Variants in UTP20 observed in about 807,000 individuals in gnomAD.
UTP20 encodes small subunit processome component 20 homolog.
Under a neutral mutation model 329.5 loss-of-function variants are expected in UTP20, and 164 were observed. The observed-to-expected ratio is 0.50, with a 90% CI of 0.44 to 0.57. The LOEUF is 0.57. UTP20 is among the 20% of genes least tolerant of loss of function. UTP20 has a pLI of 0.00. For synonymous variants in UTP20, 1,151 were observed against 1,159.3 expected (o/e 0.99, Z 0.14); for missense variants, 3,055 against 3,284.2 (o/e 0.93, Z 1.71).
At chr12:101,362,539 A>C (rs751612453) in intron 44 of UTP20, among the ~76,000 whole-genome samples, 2 of 132,282 alleles carry the variant, frequency 1.5e-5, no homozygotes, top group Non-Finnish European at 3.0e-5. Context: ...CCCCGTCTCT[A>C]AGAAAAATAC....
chr12:101,381,435 T>C (rs1391270695), intron 58 of UTP20, among the ~76,000 whole-genome samples: 2 of 152,098 alleles, frequency 1.3e-5, no homozygotes, highest in African/African-American at 2.4e-5. Context: ...CTTGGGAGGC[T>C]GAGGCAGGGA....
intron 19 of UTP20, among the ~76,000 whole-genome samples, 199 bp from the exon 20 acceptor site, chr12:101,311,520 A>G (rs1872789095): frequency 6.6e-6 from 1 of 152,178 alleles, no homozygotes; most frequent in African/African-American, 2.4e-5. Flanking sequence ...TTAGTGCTTT[A>G]TGACTATAAA....
At chr12:101,381,623 G>A (rs1403149368) in intron 58 of UTP20, among the ~76,000 whole-genome samples, 1 of 152,138 alleles carries the variant, frequency 6.6e-6, no homozygotes, top group Non-Finnish European at 1.5e-5. Flanking sequence ...ATGCTTGGGG[G>A]ATTAGATGAA....
chr12:101,329,887 C>T (rs1160729232), intron 27 of UTP20, among the ~76,000 whole-genome samples: 1 of 151,374 alleles, frequency 6.6e-6, no homozygotes, highest in Non-Finnish European at 1.5e-5. Flanking sequence ...CACCTGTACT[C>T]AGGAGGCTAA....
intron 26 of UTP20, among the ~76,000 whole-genome samples, chr12:101,327,557 C>T (rs1006916071): frequency 6.6e-6 from 1 of 152,182 alleles, no homozygotes; most frequent in African/African-American, 2.4e-5. Context: ...GAATAGGTTT[C>T]TTCTAAGAAA....
chr12:101,371,439 G>A (rs1471111893), intron 51 of UTP20, among the ~76,000 whole-genome samples: 1 of 151,786 alleles, frequency 6.6e-6, no homozygotes, highest in Non-Finnish European at 1.5e-5. Flanking sequence ...TGGTTGAGGA[G>A]CTCAACACAG....
chr12:101,379,682 G>A, intron 57 of UTP20, 124 bp downstream of exon 57: 1 of 1,017,224 alleles, frequency 9.8e-7, no homozygotes, highest in Non-Finnish European at 1.4e-6. Flanking sequence ...TTGTACAGGT[G>A]AATCAATAGG....
intron 17 of UTP20, among the ~76,000 whole-genome samples, chr12:101,307,322 C>T (rs962430445): frequency 2.0e-5 from 3 of 146,628 alleles, no homozygotes; most frequent in Non-Finnish European, 4.4e-5. Context: ...CACACACACA[C>T]ACATAATTTA....
rs1416624271 is a variant in UTP20 at position 101,371,241 on chromosome 12, T to C, written c.6798+73T>C. ...ATCTTTGTGGCAGAGGTGTCAACAC[T>C]GGCTGAATTCTGAAGACCACCTTGT... is the stretch of plus-strand genomic sequence containing the variant. On this transcript the variant is annotated intron_variant, in intron 51 of 61. Coordinates refer to ENST00000261637, the MANE Select transcript of UTP20 (RefSeq NM_014503.3). 5.4e-6 allele frequency: 6 copies of C among 1,114,196 alleles called. No individual in the cohort carries two copies. In the East Asian group the frequency reaches 1.6e-4, roughly 29 times the overall value. 69.0% of individuals were successfully genotyped at this position (1,114,196 alleles called of 1,614,324 possible). A position where few individuals can be genotyped will look rare whatever the true frequency, so the allele number is the denominator to read the frequency against.
intron 57 of UTP20, 79 bp from the exon 58 acceptor site, chr12:101,381,061 C>A: frequency 8.3e-7 from 1 of 1,207,738 alleles, no homozygotes; most frequent in Non-Finnish European, 1.2e-6. Context: ...AGTTGTATTA[C>A]AGTTATTATG....
At chr12:101,357,434 G>T (rs1869759940) in intron 43 of UTP20, among the ~76,000 whole-genome samples, 1 of 152,118 alleles carries the variant, frequency 6.6e-6, no homozygotes, top group South Asian at 2.1e-4. Context: ...ATCTGTTTAA[G>T]AGTTGGAATA....
chr12:101,303,364 G>A (rs1010258461), intron 15 of UTP20, among the ~76,000 whole-genome samples: 1 of 152,218 alleles, frequency 6.6e-6, no homozygotes, highest in African/African-American at 2.4e-5. Context: ...GAAAAACAAA[G>A]CAGGGTCAGG....
intron 38 of UTP20, 76 bp downstream of exon 38, chr12:101,346,664 G>C: frequency 3.2e-5 from 45 of 1,428,194 alleles, no homozygotes; most frequent in Non-Finnish European, 4.1e-5. Flanking sequence ...ACATGGAGTT[G>C]GTGGTGTTTG....
intron 18 of UTP20, among the ~76,000 whole-genome samples, 163 bp from the exon 19 acceptor site, chr12:101,309,600 T>C (rs1354363433): frequency 3.9e-5 from 6 of 152,224 alleles, no homozygotes; most frequent in African/African-American, 1.4e-4. Flanking sequence ...AGAGGAAAAT[T>C]AGTATACATT....
chr12:101,282,872 T>C (rs530885362), intron 2 of UTP20, among the ~76,000 whole-genome samples: 2 of 152,244 alleles, frequency 1.3e-5, no homozygotes, highest in South Asian at 2.1e-4. Context: ...TCCAGAGATG[T>C]TGAGGAAGTA....
chr12:101,341,896 C>T (rs540290795), intron 32 of UTP20, among the ~76,000 whole-genome samples: 2 of 152,080 alleles, frequency 1.3e-5, no homozygotes, highest in East Asian at 3.9e-4. Context: ...CAGAGTGAGA[C>T]TCCATCTCAA....
At chr12:101,333,624 A>G (rs1427142060) in intron 28 of UTP20, among the ~76,000 whole-genome samples, 180 bp downstream of exon 28, 1 of 152,202 alleles carries the variant, frequency 6.6e-6, no homozygotes, top group Non-Finnish European at 1.5e-5. Flanking sequence ...CTAAAACTCA[A>G]GAGTTAGTTT....
chr12:101,308,899 A>C (rs1406553300), intron 18 of UTP20, among the ~76,000 whole-genome samples: 5 of 151,820 alleles, frequency 3.3e-5, no homozygotes, highest in African/African-American at 1.2e-4. Flanking sequence ...CACCTGGCTA[A>C]TTTTTTTGTA....
chr12:101,327,336 C>G, intron 26 of UTP20, 89 bp downstream of exon 26: 3 of 1,315,216 alleles, frequency 2.3e-6, no homozygotes, highest in Non-Finnish European at 3.0e-6. Context: ...TCCTGGGCGT[C>G]TTTCTAACAG....
Sources: gnomAD v4.1 joint callset for allele counts (sites outside exome capture counted in the v4.1 genomes callset) on GRCh38, gnomAD v4.1.1 for gene constraint, MANE v1.5 for transcripts, NCBI Gene and HGNC (gene_info 2026-07-23, HGNC 2026-07-21) for gene names.